Variants in APLF observed in about 807,000 individuals in gnomAD.
APLF encodes the protein aprataxin and PNKP like factor.
A neutral mutation model predicts 55.6 loss-of-function variants in APLF; 61 were observed. The observed-to-expected ratio is 1.10, with a 90% CI of 0.89 to 1.36. The LOEUF is 1.36. APLF is among the 40% of genes most tolerant of loss of function. The probability of loss-of-function intolerance (pLI) is 0.00; values close to 1 mark genes in which losing one functional copy is unlikely to be tolerated. For synonymous variants in APLF, 207 were observed against 214.8 expected, an observed-to-expected ratio of 0.96 and a Z score of 0.32; for missense variants, 611 against 602.5, an observed-to-expected ratio of 1.01 and a Z score of -0.15.
chr2:68,564,749 C>T (rs1671253943), intron 8 of APLF, among the ~76,000 whole-genome samples: 1 of 151,992 alleles, frequency 6.6e-6, no homozygotes, highest in South Asian at 2.1e-4. Context: ...TAGTCACTAA[C>T]CTCATACTTT....
intron 6 of APLF, chr2:68,528,346 T>A (rs1670141713): frequency 6.6e-7 from 1 of 1,518,778 alleles, no homozygotes; most frequent in East Asian, 2.5e-5. Flanking sequence ...GCTGGAGGCG[T>A]CCTTCTCTTT....
chr2:68,506,726 A>G (rs1676881684), intron 3 of APLF, among the ~76,000 whole-genome samples: 1 of 151,976 alleles, frequency 6.6e-6, no homozygotes, highest in Non-Finnish European at 1.5e-5. Context: ...CCTCTGCTGT[A>G]TGAGAATGTT....
chr2:68,478,982 TC>T (rs570868571), intron 1 of APLF, among the ~76,000 whole-genome samples: 110 of 152,204 alleles, frequency 7.2e-4, no homozygotes, highest in Non-Finnish European at 1.3e-3. Context: ...CAATGCTTTG[TC>T]CCTGAAGTCA....
intron 9 of APLF, among the ~76,000 whole-genome samples, chr2:68,570,065 C>T (rs1021355039): frequency 3.9e-4 from 59 of 151,994 alleles, no homozygotes; most frequent in Admixed American, 2.0e-3. Flanking sequence ...ACCCCTAAAA[C>T]ACTTTCATCT....
chr2:68,548,278 C>G (rs1419139510), intron 8 of APLF, among the ~76,000 whole-genome samples: 1 of 151,734 alleles, frequency 6.6e-6, no homozygotes, highest in Non-Finnish European at 1.5e-5. Flanking sequence ...TGTTTTTAAT[C>G]CATCAGTACA....
Position 68,578,199 on chromosome 2 carries a change from G to T in APLF, c.*177G>T. The T allele has an allele frequency of 7.4e-7, 1 of 1,343,522 alleles. No homozygotes were observed. The highest frequency in any genetic ancestry group is 9.5e-7 in the Non-Finnish European group (1 of 1,047,658). 83.2% of individuals were successfully genotyped at this position (1,343,522 alleles called of 1,614,324 possible). ...AACGTCAGCCTTCAGTATAATAGAT[G>T]GAATTTTTTGTTGCCTTGCCTTTTC... On this transcript the variant is annotated 3_prime_UTR_variant, in exon 10 of 10. Transcript: ENST00000303795.
At chr2:68,511,330 G>T (rs1387591155) in intron 3 of APLF, among the ~76,000 whole-genome samples, 1 of 151,532 alleles carries the variant, frequency 6.6e-6, no homozygotes, top group Non-Finnish European at 1.5e-5. Flanking sequence ...TGTATTTGAA[G>T]ATAAAATAAA....
rs913885697 is a variant in APLF, at chr2:68,579,574, C to G, written c.*1552C>G. Reference sequence around the variant, plus strand: ...ACTATCAACTGGGTGAATGGATAAGCAAAACGTGGTATATCTGTGCAATGG... The same window carrying G: ...ACTATCAACTGGGTGAATGGATAAGGAAAACGTGGTATATCTGTGCAATGG... On this transcript the variant is annotated 3_prime_UTR_variant, in exon 10 of 10. Coordinates refer to ENST00000303795, the MANE Select transcript of APLF (RefSeq NM_173545.3). 1.0e-5 allele frequency: 2 copies of G among 191,792 alleles called. No homozygotes were observed. Among genetic ancestry groups the G allele is most frequent in the Admixed American group, 1.3e-4 (2 of 15,262 alleles). 11.9% of individuals were successfully genotyped at this position (191,792 alleles called of 1,614,324 possible).
intron 7 of APLF, among the ~76,000 whole-genome samples, chr2:68,539,873 C>T (rs1670498274): frequency 6.6e-6 from 1 of 152,008 alleles, no homozygotes; most frequent in African/African-American, 2.4e-5. Context: ...TCCTATTCAA[C>T]ATTGCAGTAG....
chr2:68,555,425 A>G (rs913757070), intron 8 of APLF, among the ~76,000 whole-genome samples: 4 of 152,214 alleles, frequency 2.6e-5, no homozygotes, highest in African/African-American at 9.6e-5. Flanking sequence ...ACAAAGGACT[A>G]ATATCCAGAA....
chr2:68,493,224 G>C (rs1221830832), intron 2 of APLF, among the ~76,000 whole-genome samples: 1 of 152,104 alleles, frequency 6.6e-6, no homozygotes, highest in African/African-American at 2.4e-5. Flanking sequence ...CTTAGATTTG[G>C]ACTTATGTAT....
At chr2:68,518,725 TA>T (rs1669759439) in intron 5 of APLF, among the ~76,000 whole-genome samples, 2 of 125,362 alleles carry the variant, frequency 1.6e-5, no homozygotes, top group East Asian at 4.7e-4. Flanking sequence ...AATATATCAT[TA>T]ATATATCATG....
At chr2:68,563,383 T>C (rs2104059031) in intron 8 of APLF, 1 of 981,000 alleles carries the variant, frequency 1.0e-6, no homozygotes, top group East Asian at 1.1e-4. Flanking sequence ...TATTCTGAAA[T>C]GACTTGCCTT....
In APLF at chr2:68,529,768, G is replaced by A. The variant is rs1377199540; in HGVS notation, c.804+3526G>A. 1 of 153,398 alleles carries A rather than the reference G, an allele frequency of 6.5e-6. No homozygotes were observed. Among genetic ancestry groups the A allele is most frequent in the Non-Finnish European group, 1.5e-5 (1 of 68,916 alleles). The allele number at this position is 153,398 out of a possible 1,614,324, so 9.5% of individuals were successfully genotyped here. A position where few individuals can be genotyped will look rare whatever the true frequency, so the allele number is the denominator to read the frequency against. ...ATGGGCCCCCCGTGGGGCTGTTGGG[G>A]GTGTGGGGCTGATCCGCCAGAGCCC... On this transcript the variant is annotated intron_variant, in intron 6 of 9. Coordinates refer to ENST00000303795, the MANE Select transcript of APLF (RefSeq NM_173545.3). This position sits in a 1 kb window ranked among gnomAD's most constrained non-coding sequence, Gnocchi z 4.4.
intron 1 of APLF, among the ~76,000 whole-genome samples, chr2:68,468,037 A>G (rs1159731476): frequency 6.6e-6 from 1 of 152,238 alleles, no homozygotes; most frequent in Non-Finnish European, 1.5e-5. Context: ...CTGTATTACC[A>G]TTATTATCTT....
chr2:68,508,426 T>C (rs113143666), intron 3 of APLF, among the ~76,000 whole-genome samples: 3,868 of 151,924 alleles, frequency 0.025, 63 homozygotes, highest in South Asian at 0.043. Flanking sequence ...AAGAATGAAG[T>C]TAGTCTCCTG....
chr2:68,504,637 T>G (rs1233936500), intron 3 of APLF, among the ~76,000 whole-genome samples: 1 of 151,968 alleles, frequency 6.6e-6, no homozygotes, highest in East Asian at 1.9e-4. Flanking sequence ...ACAAAAAACC[T>G]ATTAGTGAAA....
Position 68,538,008 on chromosome 2 carries a change from C to T in APLF, c.941C>T (p.Thr314Ile). Residue 314 changes from threonine (T) to isoleucine (I), a missense_variant, in exon 7 of 10, where the codon ACA becomes ATA. By Grantham distance (89) the Thr-to-Ile change is moderately conservative (BLOSUM62 -1). Coordinates refer to ENST00000303795, the MANE Select transcript of APLF (RefSeq NM_173545.3). The stretch of plus-strand genomic sequence containing the variant: ...AAACATAAAATTGCCACTAAAAGAA[C>T]ACCACATAAAGAAGATGAGGCAATG... ...VSKHKIATKRTPHKEDEAMSC... is the reference protein window; with the variant it reads ...VSKHKIATKRIPHKEDEAMSC... The T allele has an allele frequency of 6.2e-7, 1 of 1,613,928 alleles. No individual in the cohort carries two copies. Among genetic ancestry groups the T allele is most frequent in the African/African-American group, 1.3e-5 (1 of 75,010 alleles).
At chr2:68,547,671 A>G (rs1231863466) in intron 8 of APLF, among the ~76,000 whole-genome samples, 1 of 151,834 alleles carries the variant, frequency 6.6e-6, no homozygotes, top group Non-Finnish European at 1.5e-5. Flanking sequence ...TTTGACCCTT[A>G]TATCACACCA....
Sources: allele counts gnomAD v4.1 joint callset (sites outside exome capture counted in the v4.1 genomes callset), GRCh38; gene constraint gnomAD v4.1.1; non-coding constraint Gnocchi (gnomAD v3.1); transcripts MANE v1.5; gene names NCBI Gene and HGNC (gene_info 2026-07-23, HGNC 2026-07-21).